Variants in SCLT1 observed in about 807,000 individuals in gnomAD.
SCLT1 encodes sodium channel and clathrin linker 1.
A neutral mutation model predicts 112.8 loss-of-function variants in SCLT1; 78 were observed. That is an observed-to-expected ratio of 0.69 (90% CI 0.58 to 0.83). The LOEUF is 0.83. SCLT1 is among the 40% of genes least tolerant of loss of function. SCLT1 has a pLI of 0.00. For synonymous variants in SCLT1, 257 were observed against 254.7 expected (o/e 1.01, Z -0.09); for missense variants, 747 against 770.4 (o/e 0.97, Z 0.36).
At chr4:129,005,388 T>C (rs1168395812) in intron 5 of SCLT1, among the ~76,000 whole-genome samples, 1 of 152,162 alleles carries the variant, frequency 6.6e-6, no homozygotes, top group Non-Finnish European at 1.5e-5. Flanking sequence ...TATTTCTTTG[T>C]TACGCAGCCA....
At chr4:128,996,994 T>TA (rs1743066200) in intron 8 of SCLT1, among the ~76,000 whole-genome samples, 1 of 151,988 alleles carries the variant, frequency 6.6e-6, no homozygotes, top group South Asian at 2.1e-4. Flanking sequence ...TATATTAAAT[T>TA]AAAAAATGCC....
At chr4:128,984,923 A>AT (rs896548595) in intron 9 of SCLT1, among the ~76,000 whole-genome samples, 3 of 150,136 alleles carry the variant, frequency 2.0e-5, no homozygotes, top group African/African-American at 7.3e-5. Context: ...TTACTGGTAA[A>AT]ATATATATTG....
chr4:128,888,779 T>C lies in SCLT1; in HGVS notation c.1909-5A>G, dbSNP rs944485871. On this transcript the variant is annotated splice_polypyrimidine_tract_variant and splice_region_variant and intron_variant, in intron 19 of 20. Coordinates refer to ENST00000281142, the MANE Select transcript of SCLT1 (RefSeq NM_144643.4). Reference sequence around the variant, plus strand: ...CTCTAGAATTAGCTTTTCATTCTATTAAGGGGAAATAGAAAACAAGTTAGA... The same window carrying C: ...CTCTAGAATTAGCTTTTCATTCTATCAAGGGGAAATAGAAAACAAGTTAGA... 3 of 1,556,874 alleles carry C rather than the reference T, an allele frequency of 1.9e-6. No homozygotes were observed. Among genetic ancestry groups the C allele is most frequent in the African/African-American group, 2.7e-5 (2 of 73,550 alleles).
rs767484409 is a variant in SCLT1 at position 128,891,146 on chromosome 4, A to C, written c.1830-9T>G. ...GTCGACTCAGCTCACTCCTATTAAGAGCACCAAAAAATCCATTAATATAAT... is the reference window on the plus strand; with the variant it reads ...GTCGACTCAGCTCACTCCTATTAAGCGCACCAAAAAATCCATTAATATAAT... On this transcript the variant is annotated splice_polypyrimidine_tract_variant and intron_variant, in intron 18 of 20. Transcript: ENST00000281142. 3 of 1,596,906 alleles carry C rather than the reference A, an allele frequency of 1.9e-6. No homozygotes were observed. Among genetic ancestry groups the C allele is most frequent in the Non-Finnish European group, 2.6e-6 (3 of 1,166,160 alleles).
chr4:128,900,985 C>T (rs1734238287), intron 18 of SCLT1, among the ~76,000 whole-genome samples: 1 of 152,038 alleles, frequency 6.6e-6, no homozygotes. Flanking sequence ...TACCATCTCA[C>T]ACCCGTTAGA....
chr4:129,076,594 C>T (rs1476732144), intron 2 of SCLT1, among the ~76,000 whole-genome samples: 2 of 151,946 alleles, frequency 1.3e-5, no homozygotes, highest in East Asian at 1.9e-4. Context: ...AAAGCACTAA[C>T]CTTAGCTCCC....
intron 20 of SCLT1, among the ~76,000 whole-genome samples, chr4:128,887,118 C>T (rs1411695315): frequency 6.6e-6 from 1 of 152,076 alleles, no homozygotes; most frequent in Non-Finnish European, 1.5e-5. Context: ...GTTGAAATTG[C>T]CCAAAGTCAC....
chr4:128,969,624 A>G (rs1359227466), intron 10 of SCLT1, among the ~76,000 whole-genome samples: 1 of 152,098 alleles, frequency 6.6e-6, no homozygotes, highest in Non-Finnish European at 1.5e-5. Flanking sequence ...TTCTAGCCCT[A>G]AACTTTGACC....
At chr4:128,927,027 A>G (rs1736353444) in intron 18 of SCLT1, among the ~76,000 whole-genome samples, 1 of 152,086 alleles carries the variant, frequency 6.6e-6, no homozygotes, top group Non-Finnish European at 1.5e-5. Context: ...GAGAAAGAAA[A>G]AAAGGAATAA....
intron 1 of SCLT1, among the ~76,000 whole-genome samples, chr4:129,089,454 G>A (rs886872155): frequency 6.6e-6 from 1 of 152,182 alleles, no homozygotes; most frequent in African/African-American, 2.4e-5. Flanking sequence ...AGACAGTGTG[G>A]CGATTCCTCA....
chr4:129,054,733 T>C (rs1160062708), intron 2 of SCLT1, among the ~76,000 whole-genome samples: 1 of 152,142 alleles, frequency 6.6e-6, no homozygotes, highest in Non-Finnish European at 1.5e-5. Flanking sequence ...TTACCCACCC[T>C]CTGAAGCCTA....
chr4:128,893,325 TA>T (rs1298817238), intron 18 of SCLT1, among the ~76,000 whole-genome samples: 1 of 152,208 alleles, frequency 6.6e-6, no homozygotes, highest in African/African-American at 2.4e-5. Flanking sequence ...TGTAAATATT[TA>T]TCTCTTTATA....
chr4:129,008,220 A>C (rs1744202491), intron 5 of SCLT1, among the ~76,000 whole-genome samples: 1 of 152,172 alleles, frequency 6.6e-6, no homozygotes, highest in Non-Finnish European at 1.5e-5. Context: ...TAATTCTGTC[A>C]ACGGTAATTT....
chr4:128,912,660 A>T (rs946859530), intron 18 of SCLT1, among the ~76,000 whole-genome samples: 1 of 151,994 alleles, frequency 6.6e-6, no homozygotes, highest in Non-Finnish European at 1.5e-5. Flanking sequence ...AAGTAAGTAC[A>T]TGGGCTTTTC....
At chr4:128,972,457 A>T (rs1740775460) in intron 9 of SCLT1, 1 of 151,460 alleles carries the variant, frequency 6.6e-6, no homozygotes, top group African/African-American at 2.4e-5. Context: ...CCTGTTGGAG[A>T]CACAGGAAGC....
intron 5 of SCLT1, among the ~76,000 whole-genome samples, chr4:129,005,909 C>T (rs1259778578): frequency 3.3e-5 from 5 of 150,344 alleles, no homozygotes; most frequent in Admixed American, 6.6e-5. Context: ...AGTAAACTAT[C>T]GCAAGGACAA....
At chr4:128,960,639 G>A (rs912998739) in intron 11 of SCLT1, among the ~76,000 whole-genome samples, 1 of 151,976 alleles carries the variant, frequency 6.6e-6, no homozygotes, top group African/African-American at 2.4e-5. Flanking sequence ...CTCTAAATTA[G>A]GCCGGGCGCG....
chr4:128,994,430 G>T (rs1430145974), intron 8 of SCLT1, among the ~76,000 whole-genome samples: 1 of 152,096 alleles, frequency 6.6e-6, no homozygotes, highest in African/African-American at 2.4e-5. Context: ...GACATCTAAG[G>T]TTGTTTTCGT....
chr4:128,942,367 G>A (rs1737770965), intron 17 of SCLT1, among the ~76,000 whole-genome samples: 2 of 152,022 alleles, frequency 1.3e-5, no homozygotes, highest in Admixed American at 1.3e-4. Context: ...TAAAAAGTTA[G>A]TGCCACTTTT....
Sources: gnomAD v4.1 joint callset for allele counts (sites outside exome capture counted in the v4.1 genomes callset) on GRCh38, gnomAD v4.1.1 for gene constraint, MANE v1.5 for transcripts, NCBI Gene and HGNC (gene_info 2026-07-23, HGNC 2026-07-21) for gene names.